Variants in MVB12B observed in about 807,000 individuals in gnomAD.
MVB12B encodes the protein multivesicular body subunit 12B.
A neutral mutation model predicts 41.6 loss-of-function variants in MVB12B; 16 were observed. The ratio of observed to expected loss-of-function variants is 0.38; its 90% CI spans 0.26 to 0.58. The LOEUF (loss-of-function observed/expected upper bound fraction) is 0.58, where lower values mean the gene tolerates loss of function less well. Among genes scored for constraint, MVB12B ranks in the 20% least tolerant of loss-of-function variants. The pLI, the probability that MVB12B is intolerant of heterozygous loss-of-function variation, is 0.62. For synonymous variants in MVB12B, 133 were observed against 139.7 expected, an observed-to-expected ratio of 0.95 and a Z score of 0.34; for missense variants, 274 against 380.2, an observed-to-expected ratio of 0.72 and a Z score of 2.32.
Position 126,503,379 on chromosome 9 carries a change from C to T in MVB12B, c.*116C>T. On this transcript the variant is annotated 3_prime_UTR_variant, in exon 10 of 10. Coordinates refer to ENST00000361171, the MANE Select transcript of MVB12B (RefSeq NM_033446.3). ...AGCCCTCCCTCCCACACTGCCCCAG[C>T]AGGGCTGGCCCGGAGACTGGGCAGC... is the stretch of plus-strand genomic sequence containing the variant. The T allele has an allele frequency of 1.2e-6, 1 of 835,656 alleles. No homozygotes were observed. 51.8% of individuals were successfully genotyped at this position (835,656 alleles called of 1,614,324 possible).
intron 7 of MVB12B, among the ~76,000 whole-genome samples, chr9:126,439,691 C>G (rs1277236458): frequency 6.6e-6 from 1 of 152,114 alleles, no homozygotes; most frequent in East Asian, 1.9e-4. Context: ...TCTGTAAACT[C>G]AAAATGTATT....
intron 2 of MVB12B, among the ~76,000 whole-genome samples, chr9:126,356,317 G>A (rs546049701): frequency 6.6e-6 from 1 of 152,282 alleles, no homozygotes; most frequent in Admixed American, 6.5e-5. Context: ...CTATCTGGGA[G>A]CATGATTTGG....
At chr9:126,420,417 T>C (rs1242959749) in intron 6 of MVB12B, among the ~76,000 whole-genome samples, 2 of 152,212 alleles carry the variant, frequency 1.3e-5, no homozygotes, top group Non-Finnish European at 2.9e-5. Flanking sequence ...GTGTCCGCCA[T>C]GAGCTATCAC....
At chr9:126,502,936 C>T (rs1283137169) in intron 9 of MVB12B, among the ~76,000 whole-genome samples, 2 of 152,214 alleles carry the variant, frequency 1.3e-5, no homozygotes, top group Non-Finnish European at 2.9e-5. Flanking sequence ...GTGGAGGGTA[C>T]CAGTCATCAC....
intron 2 of MVB12B, among the ~76,000 whole-genome samples, chr9:126,368,968 A>G (rs75205208): frequency 0.017 from 2,637 of 152,090 alleles, 67 homozygotes; most frequent in East Asian, 0.069. Flanking sequence ...AGATCTTTCT[A>G]GACTCGCGTG....
At chr9:126,379,830 A>G (rs941847741) in intron 2 of MVB12B, among the ~76,000 whole-genome samples, 1 of 152,186 alleles carries the variant, frequency 6.6e-6, no homozygotes, top group African/African-American at 2.4e-5. Flanking sequence ...TGTGACAGGC[A>G]GAGGCCATCC....
chr9:126,469,587 G>C (rs928975033), intron 7 of MVB12B, among the ~76,000 whole-genome samples: 5 of 152,214 alleles, frequency 3.3e-5, no homozygotes, highest in African/African-American at 1.2e-4. Context: ...CTTGCTGTCA[G>C]TTACCCCCCG....
chr9:126,393,088 T>C (rs1377669749), intron 5 of MVB12B, among the ~76,000 whole-genome samples: 1 of 152,246 alleles, frequency 6.6e-6, no homozygotes, highest in Non-Finnish European at 1.5e-5. Context: ...GCACTGAGCA[T>C]GGGCCTGGCT....
chr9:126,415,919 G>T (rs1299762357), intron 6 of MVB12B, among the ~76,000 whole-genome samples: 1 of 152,196 alleles, frequency 6.6e-6, no homozygotes, highest in East Asian at 1.9e-4. Context: ...AGGGAAGCCA[G>T]CCGCTGAGAT....
intron 7 of MVB12B, among the ~76,000 whole-genome samples, chr9:126,479,625 G>A (rs763857088): frequency 1.4e-4 from 22 of 152,234 alleles, no homozygotes; most frequent in Middle Eastern, 3.4e-3. Context: ...CATCTCTTCC[G>A]TCAGCTCACA....
intron 2 of MVB12B, among the ~76,000 whole-genome samples, chr9:126,353,397 A>G (rs1160744886): frequency 3.9e-5 from 6 of 152,156 alleles, no homozygotes; most frequent in Admixed American, 2.6e-4. Context: ...TCCTTTTCCC[A>G]CAAATCTGCA....
chr9:126,344,559 T>G (rs1364743396), intron 2 of MVB12B, among the ~76,000 whole-genome samples: 1 of 152,230 alleles, frequency 6.6e-6, no homozygotes, highest in Non-Finnish European at 1.5e-5. Context: ...ATGGCTGGGT[T>G]CAGCTCCCTG....
chr9:126,398,473 C>A (rs1428714522), intron 6 of MVB12B, among the ~76,000 whole-genome samples: 1 of 152,168 alleles, frequency 6.6e-6, no homozygotes. Context: ...ATGCTTATAA[C>A]CTTTTGTTAT....
At chr9:126,455,246 G>A (rs4546753) in intron 7 of MVB12B, among the ~76,000 whole-genome samples, 1 of 151,812 alleles carries the variant, frequency 6.6e-6, no homozygotes, top group African/African-American at 2.4e-5. Context: ...GGAGTGCAGT[G>A]GCGTGATCTC....
intron 6 of MVB12B, among the ~76,000 whole-genome samples, chr9:126,416,906 C>G (rs1410244375): frequency 6.6e-6 from 1 of 152,222 alleles, no homozygotes; most frequent in Non-Finnish European, 1.5e-5. Context: ...ATCCTTGTCT[C>G]TCACTTTCAG....
intron 9 of MVB12B, among the ~76,000 whole-genome samples, chr9:126,501,491 G>T (rs142620993): frequency 0.014 from 2,191 of 152,354 alleles, 56 homozygotes; most frequent in African/African-American, 0.049. Context: ...GTGCACACGG[G>T]GACAGAGCCA....
At chr9:126,327,570 G>T (rs1052786823) in intron 1 of MVB12B, among the ~76,000 whole-genome samples, 1 of 152,134 alleles carries the variant, frequency 6.6e-6, no homozygotes, top group South Asian at 2.1e-4. Flanking sequence ...CAGGAACATG[G>T]TGGGCACGTC....
Position 126,473,625 on chromosome 9 carries a change from G to A in MVB12B, c.758-7744G>A, listed in dbSNP as rs976910656. Reference sequence around the variant, plus strand: ...GGAACAAGAAAGCCAAAGAGCGGAAGGTGCCACACGCCTTTAAACAACCAG... The same window carrying A: ...GGAACAAGAAAGCCAAAGAGCGGAAAGTGCCACACGCCTTTAAACAACCAG... On this transcript the variant is annotated intron_variant, in intron 7 of 9. Transcript: ENST00000361171. This position sits in a 1 kb window ranked among gnomAD's most constrained non-coding sequence, Gnocchi z 4.0. Among the ~76,000 whole-genome samples the A allele has an allele frequency of 6.6e-6, 1 of 152,144 alleles. No individual in the cohort carries two copies. Among genetic ancestry groups the A allele is most frequent in the Non-Finnish European group, 1.5e-5 (1 of 68,032 alleles).
chr9:126,486,767 A>C lies in MVB12B; in HGVS notation c.873+2735A>C, dbSNP rs908047758. Among the ~76,000 whole-genome samples, 1 of 152,176 alleles carries C rather than the reference A, an allele frequency of 6.6e-6. No individual in the cohort carries two copies. Among genetic ancestry groups the C allele is most frequent in the Non-Finnish European group, 1.5e-5 (1 of 68,014 alleles). On this transcript the variant is annotated intron_variant, in intron 9 of 9. Coordinates refer to ENST00000361171, the MANE Select transcript of MVB12B (RefSeq NM_033446.3). The surrounding 1 kb of genome is among the most constrained non-coding windows in gnomAD (Gnocchi z 4.7). ...ACTCCGAGAGGTGGAGTAACTGGCC[A>C]AAGACAAGGTGGAGACCCAGTGTGT...
Sources: gnomAD v4.1 joint callset for allele counts (sites outside exome capture counted in the v4.1 genomes callset) on GRCh38, gnomAD v4.1.1 for gene constraint, Gnocchi (gnomAD v3.1) non-coding constraint, MANE v1.5 for transcripts, NCBI Gene and HGNC (gene_info 2026-07-23, HGNC 2026-07-21) for gene names.